MYL6B: variants seen among roughly 807,000 people sequenced by gnomAD.
MYL6B encodes the protein myosin alkali light chain 1 slow a.
A neutral mutation model predicts 24.5 loss-of-function variants in MYL6B; 19 were observed. The ratio of observed to expected loss-of-function variants is 0.78; its 90% CI spans 0.54 to 1.14. MYL6B has a LOEUF of 1.14. Ranked by LOEUF, MYL6B falls within the 50% of genes most tolerant of loss-of-function variation. The probability of loss-of-function intolerance (pLI) is 0.00; values close to 1 mark genes in which losing one functional copy is unlikely to be tolerated. For synonymous variants in MYL6B, 90 were observed against 100.7 expected (o/e 0.89, Z 0.64); for missense variants, 230 against 263.8 (o/e 0.87, Z 0.89).
chr12:56,154,144 G>T, intron 2 of MYL6B, 52 bp downstream of exon 2: 2 of 1,554,264 alleles, frequency 1.3e-6, no homozygotes, highest in Non-Finnish European at 8.8e-7. Flanking sequence ...TTGAGGGTGG[G>T]ATACAGCCTA....
At position 56,157,286 on chromosome 12, in the gene MYL6B, AG is replaced by A. The variant is rs1311664865; in HGVS notation, c.521-180del. 1.2e-5 allele frequency: 7 copies of A among 583,778 alleles called. No individual in the cohort carries two copies. The African/African-American group carries it at 1.3e-4, about 11-fold the overall frequency. 36.2% of individuals were successfully genotyped at this position (583,778 alleles called of 1,614,324 possible). A position where few individuals can be genotyped will look rare whatever the true frequency, so the allele number is the denominator to read the frequency against. On this transcript the variant is annotated intron_variant, in intron 5 of 6. Coordinates refer to ENST00000553066, the Ensembl canonical transcript of MYL6B. ...GTAATCCCAGCTACTCGGGAGGGTG[AG>A]GCAGGAGAATCGCGTGAACACGGGA...
Position 56,157,880 on chromosome 12 carries a change from A to G in MYL6B, c.*154A>G. 1.1e-6 allele frequency: 1 copy of G among 871,714 alleles called. No individual in the cohort carries two copies. The highest frequency in any genetic ancestry group is 1.6e-5 in the South Asian group (1 of 60,780). The allele number at this position is 871,714 out of a possible 1,614,324, so 54.0% of individuals were successfully genotyped here. A position where few individuals can be genotyped will look rare whatever the true frequency, so the allele number is the denominator to read the frequency against. ...CTTCGCAACTTTGGTTTTTTTCCAC[A>G]GATCCAGTGGGGTCCGGACACTGGG... On this transcript the variant is annotated 3_prime_UTR_variant, in exon 7 of 7. Coordinates refer to ENST00000553066, the Ensembl canonical transcript of MYL6B.
chr12:56,157,481 TGAGGAGGAGGTG>T, exon 6 of MYL6B: 1 of 1,613,530 alleles, frequency 6.2e-7, no homozygotes, highest in East Asian at 2.2e-5. Context: ...AGAAGATGAC[TGAGGAGGAGGTG>T]GAGACCGTTC....
intron 1 of MYL6B, among the ~76,000 whole-genome samples, chr12:56,153,175 A>G (rs1871172370): frequency 6.6e-6 from 1 of 152,118 alleles, no homozygotes; most frequent in Non-Finnish European, 1.5e-5. Context: ...GGTTTCTTCC[A>G]TGGAAGAATG....
Position 56,154,794 on chromosome 12 carries a change from C to T in MYL6B, c.175-19C>T, listed in dbSNP as rs781522859. ...TGAATAAACTCTCATCTCTCCCCAC[C>T]TGCTTTTTTCTTCCACAGATCGAGT... is the stretch of plus-strand genomic sequence containing the variant. On this transcript the variant is annotated intron_variant, in intron 2 of 6. Coordinates refer to ENST00000553066, the Ensembl canonical transcript of MYL6B. 2.5e-6 allele frequency: 4 copies of T among 1,611,154 alleles called. No homozygotes were observed. Among genetic ancestry groups the T allele is most frequent in the Admixed American group, 1.7e-5 (1 of 59,536 alleles).
rs536882736 is a variant in MYL6B, at chr12:56,155,726, G to C, written c.520+134G>C. ...AGGTTGTCGGCAGGAGACTGAGAAG[G>C]TCAGAGCTATGGGGGTAGAATCTGA... On this transcript the variant is annotated intron_variant, in intron 5 of 6. Transcript: ENST00000553066. 138 of 1,547,236 alleles carry C rather than the reference G, an allele frequency of 8.9e-5. No individual in the cohort carries two copies. The Middle Eastern group carries it at 1.3e-3, about 15-fold the overall frequency.
chr12:56,154,816 G>C (rs950965377), exon 3 of MYL6B: 6 of 1,612,858 alleles, frequency 3.7e-6, no homozygotes, highest in Non-Finnish European at 5.1e-6. Context: ...TCCACAGATC[G>C]AGTTTAACAA....
At chr12:56,155,879 T>A in intron 5 of MYL6B, 3 of 1,298,504 alleles carry the variant, frequency 2.3e-6, no homozygotes, top group South Asian at 1.5e-5. Context: ...TCTCGTAACC[T>A]CCTGGGATTG....
At chr12:56,156,702 G>A (rs893678170) in intron 5 of MYL6B, among the ~76,000 whole-genome samples, 1 of 151,650 alleles carries the variant, frequency 6.6e-6, no homozygotes, top group African/African-American at 2.4e-5. Flanking sequence ...CTTGAGCCCA[G>A]GAGTTCGAGA....
exon 5 of MYL6B, chr12:56,155,435 T>C (rs148184393): frequency 1.1e-4 from 185 of 1,613,996 alleles, no homozygotes; most frequent in Non-Finnish European, 1.5e-4. Context: ...AGTCGCGGCG[T>C]GTGGACTTTG....
chr12:56,152,677 TG>T (rs1871144600), intron 1 of MYL6B, 46 bp downstream of exon 1: 1 of 87,478 alleles, frequency 1.1e-5, no homozygotes, highest in Admixed American at 1.3e-4. Flanking sequence ...TAAGATTTAG[TG>T]GGGGTGCGTG....
At chr12:56,153,604 C>G in intron 1 of MYL6B, 1 of 438,588 alleles carries the variant, frequency 2.3e-6, no homozygotes, top group Non-Finnish European at 3.1e-6. Context: ...GCATCCTATC[C>G]TCACCCTGGA....
At position 56,154,983 on chromosome 12, in the gene MYL6B, T is replaced by A; in HGVS notation, c.203-72T>A. On this transcript the variant is annotated intron_variant, in intron 3 of 6. Coordinates refer to ENST00000553066, the Ensembl canonical transcript of MYL6B. ...TCCCTTGTTCTGTTCACATAGTTTCTGAAATTCCCTTCTGTCTGGGGGTGA... is the reference window on the plus strand; with the variant it reads ...TCCCTTGTTCTGTTCACATAGTTTCAGAAATTCCCTTCTGTCTGGGGGTGA... 8 of 1,560,688 alleles carry A rather than the reference T, an allele frequency of 5.1e-6. No homozygotes were observed. In the South Asian group the frequency reaches 9.7e-5, roughly 19 times the overall value.
intron 5 of MYL6B, among the ~76,000 whole-genome samples, chr12:56,156,644 C>T (rs1187661312): frequency 6.6e-6 from 1 of 151,812 alleles, no homozygotes; most frequent in African/African-American, 2.4e-5. Context: ...GGAGCAGTGG[C>T]TCACTCCTGT....
In MYL6B at chr12:56,155,406, C is replaced by A; in HGVS notation, c.347-13C>A. The A allele has an allele frequency of 6.2e-7, 1 of 1,614,142 alleles. No homozygotes were observed. Among genetic ancestry groups the A allele is most frequent in the African/African-American group, 1.3e-5 (1 of 75,034 alleles). On this transcript the variant is annotated splice_polypyrimidine_tract_variant and intron_variant, in intron 4 of 6. Coordinates refer to ENST00000553066, the Ensembl canonical transcript of MYL6B. ...CTACAATGACCTCTCCTTTACCTCT[C>A]TCCAACCTCCAGAGCTGAAGTCGCG...
chr12:56,156,020 G>T, intron 5 of MYL6B: 1 of 1,128,706 alleles, frequency 8.9e-7, no homozygotes. Flanking sequence ...AAAGAGCGTG[G>T]CCTGGCCAGG....
At chr12:56,154,226 C>T in intron 2 of MYL6B, 134 bp downstream of exon 2, 1 of 909,382 alleles carries the variant, frequency 1.1e-6, no homozygotes, top group Non-Finnish European at 1.6e-6. Context: ...TCCCTTAGTC[C>T]CCCATTTGGA....
chr12:56,155,853 T>A, intron 5 of MYL6B: 1 of 1,366,996 alleles, frequency 7.3e-7, no homozygotes, highest in Non-Finnish European at 9.5e-7. Flanking sequence ...GTGTGGGTTG[T>A]GTGTTCTGGT....
At chr12:56,157,767 A>G (rs1443535493) in exon 7 of MYL6B, 12 of 1,605,536 alleles carry the variant, frequency 7.5e-6, no homozygotes, top group Non-Finnish European at 1.0e-5. Flanking sequence ...GCCGCGCCTT[A>G]CGAGGCAAGT....
Sources: allele counts gnomAD v4.1 joint callset (sites outside exome capture counted in the v4.1 genomes callset), GRCh38; gene constraint gnomAD v4.1.1; transcripts MANE v1.5; gene names NCBI Gene and HGNC (gene_info 2026-07-23, HGNC 2026-07-21).